CADPS2: variants seen among roughly 807,000 people sequenced by gnomAD.
The protein encoded by CADPS2 is calcium-dependent secretion activator 2.
In CADPS2, 93 loss-of-function variants were observed where a neutral mutation model predicts 172.5. The observed-to-expected ratio is 0.54, with a 90% CI of 0.46 to 0.64. CADPS2 has a LOEUF of 0.64. Among genes scored for constraint, CADPS2 ranks in the 30% least tolerant of loss-of-function variants. The pLI, the probability that CADPS2 is intolerant of heterozygous loss-of-function variation, is 0.00. For missense variants in CADPS2, 1,420 were observed against 1,565.9 expected (o/e 0.91, Z 1.57); for synonymous variants, 546 against 555.2 (o/e 0.98, Z 0.23).
At chr7:122,885,904 G>A in intron 1 of CADPS2, 95 bp downstream of exon 1, 2 of 1,396,096 alleles carry the variant, frequency 1.4e-6, no homozygotes, top group Non-Finnish European at 9.9e-7. Flanking sequence ...ACGGTGTCCT[G>A]CGTTTCGCAG....
chr7:122,392,973 T>C (rs1195325947), intron 22 of CADPS2, among the ~76,000 whole-genome samples: 2 of 152,086 alleles, frequency 1.3e-5, no homozygotes, highest in Non-Finnish European at 2.9e-5. Context: ...AGATTATATA[T>C]GAACTACATT....
At position 122,523,682 on chromosome 7, in the gene CADPS2, CT is replaced by C. The variant is rs2060988995; in HGVS notation, c.1476-10368del. Among the ~76,000 whole-genome samples the C allele has an allele frequency of 3.9e-5, 6 of 152,204 alleles. 1 individual carries two copies. In the South Asian group the frequency reaches 1.2e-3, roughly 32 times the overall value. ...AATATATGCATTACCTCAATATATT[CT>C]ACCACAGGAGGCATATTTCATAAAG... On this transcript the variant is annotated intron_variant, in intron 8 of 29. Coordinates refer to ENST00000449022, the MANE Select transcript of CADPS2 (RefSeq NM_017954.11).
intron 27 of CADPS2, among the ~76,000 whole-genome samples, 154 bp from the exon 28 acceptor site, chr7:122,345,835 T>A (rs1463162324): frequency 6.7e-6 from 1 of 150,122 alleles, no homozygotes; most frequent in African/African-American, 2.4e-5. Flanking sequence ...ATACATTCCA[T>A]AATTAAAGCA....
chr7:122,698,866 A>C lies in CADPS2; in HGVS notation c.454-35297T>G, dbSNP rs754042065. 15 of 1,610,248 alleles carry C rather than the reference A, an allele frequency of 9.3e-6. No individual in the cohort carries two copies. The East Asian group carries it at 3.1e-4, about 33-fold the overall frequency. ...AAGCCAAAGAACACTGAACTTCATA[A>C]GCCAGGAAGAGGCAGTGTTGTTTCT... is the stretch of plus-strand genomic sequence containing the variant. On this transcript the variant is annotated intron_variant, in intron 2 of 29. Transcript: ENST00000449022.
intron 17 of CADPS2, among the ~76,000 whole-genome samples, chr7:122,433,481 G>A (rs899717230): frequency 6.8e-6 from 1 of 146,732 alleles, no homozygotes; most frequent in African/African-American, 2.5e-5. Context: ...TCGGCTCACT[G>A]TAACTTCTGC....
Position 122,564,928 on chromosome 7 carries a change from A to G in CADPS2, c.1336-10239T>C, listed in dbSNP as rs533530077. On this transcript the variant is annotated intron_variant, in intron 7 of 29. Transcript: ENST00000449022. ...ATGAAATTATGTCTTTTACAGCAAC[A>G]TGGATGGAGCTGGAGGCCATTATCC... Among the ~76,000 whole-genome samples, 246 of 152,088 alleles carry G rather than the reference A, an allele frequency of 1.6e-3. 2 individuals carry two copies. The highest frequency in any genetic ancestry group is 3.4e-3 in the Middle Eastern group (1 of 294).
chr7:122,702,180 T>C (rs1002527856), intron 2 of CADPS2: 5 of 1,613,706 alleles, frequency 3.1e-6, no homozygotes, highest in Admixed American at 1.7e-5. Context: ...AGATACATGA[T>C]GTAATGGCTC....
chr7:122,881,734 A>G (rs532191101), intron 1 of CADPS2, among the ~76,000 whole-genome samples: 1 of 152,278 alleles, frequency 6.6e-6, no homozygotes, highest in South Asian at 2.1e-4. Flanking sequence ...GGGGCTTGCT[A>G]GAAACATCAG....
chr7:122,850,948 C>T (rs1813410128), intron 1 of CADPS2, among the ~76,000 whole-genome samples: 1 of 152,206 alleles, frequency 6.6e-6, no homozygotes, highest in Non-Finnish European at 1.5e-5. Flanking sequence ...CAGCATATGG[C>T]AGCTGGTAAG....
intron 6 of CADPS2, among the ~76,000 whole-genome samples, chr7:122,604,089 A>T (rs2133569878): frequency 6.6e-6 from 1 of 152,230 alleles, no homozygotes; most frequent in African/African-American, 2.4e-5. Flanking sequence ...ATAATTTTAA[A>T]ATTTTACAAC....
chr7:122,732,705 T>A (rs1267391739), intron 2 of CADPS2, among the ~76,000 whole-genome samples: 2 of 144,538 alleles, frequency 1.4e-5, no homozygotes, highest in African/African-American at 5.0e-5. Context: ...CATTATATAT[T>A]ATATATAATT....
intron 1 of CADPS2, among the ~76,000 whole-genome samples, chr7:122,774,257 CAT>C (rs2093799041): frequency 7.3e-6 from 1 of 137,678 alleles, no homozygotes; most frequent in Admixed American, 7.4e-5. Flanking sequence ...TATATATAGA[CAT>C]AGATAGATAT....
intron 13 of CADPS2, among the ~76,000 whole-genome samples, chr7:122,473,198 A>G (rs1317075639): frequency 1.3e-5 from 2 of 152,164 alleles, no homozygotes; most frequent in East Asian, 3.9e-4. Flanking sequence ...GGCCAATCAA[A>G]GGTGGCCAAC....
chr7:122,362,484 A>G (rs573090958), intron 25 of CADPS2, among the ~76,000 whole-genome samples: 1 of 152,014 alleles, frequency 6.6e-6, no homozygotes, highest in Non-Finnish European at 1.5e-5. Context: ...CTAAAACTTT[A>G]TATTTCTATG....
At chr7:122,447,736 A>G (rs770355139) in intron 15 of CADPS2, among the ~76,000 whole-genome samples, 2 of 151,200 alleles carry the variant, frequency 1.3e-5, no homozygotes, top group Non-Finnish European at 2.9e-5. Flanking sequence ...TATTTTTCGT[A>G]GAAACAGGGT....
intron 2 of CADPS2, among the ~76,000 whole-genome samples, chr7:122,721,820 G>T (rs554854893): frequency 2.0e-5 from 3 of 152,218 alleles, no homozygotes; most frequent in Admixed American, 2.0e-4. Flanking sequence ...GAATCCAGCA[G>T]CATATCAAAA....
chr7:122,734,036 AGC>A (rs1588866234), intron 2 of CADPS2, among the ~76,000 whole-genome samples: 1 of 151,938 alleles, frequency 6.6e-6, no homozygotes, highest in East Asian at 1.9e-4. Context: ...CAGATGTTGA[AGC>A]CCCATTCTCA....
At chr7:122,548,566 G>A (rs2063863536) in intron 8 of CADPS2, among the ~76,000 whole-genome samples, 1 of 152,034 alleles carries the variant, frequency 6.6e-6, no homozygotes, top group African/African-American at 2.4e-5. Flanking sequence ...AGAGCTATAT[G>A]GATCAAATCA....
rs537845491 is a variant in CADPS2, at chr7:122,843,235, CT to C, written c.339+42763del. 3.9e-3 allele frequency among the ~76,000 whole-genome samples: 577 copies of C among 146,756 alleles called. 3 individuals carry two copies. Among genetic ancestry groups the C allele is most frequent in the African/African-American group, 0.012 (471 of 40,098 alleles). On this transcript the variant is annotated intron_variant, in intron 1 of 29. Coordinates refer to ENST00000449022, the MANE Select transcript of CADPS2 (RefSeq NM_017954.11). The stretch of plus-strand genomic sequence containing the variant: ...ACTCAATCACACATCATAAGAGTTG[CT>C]TTTTTTTTTGGCTTTCCTAATGTAA...
Sources: allele counts gnomAD v4.1 joint callset (sites outside exome capture counted in the v4.1 genomes callset), GRCh38; gene constraint gnomAD v4.1.1; transcripts MANE v1.5; gene names NCBI Gene and HGNC (gene_info 2026-07-23, HGNC 2026-07-21).